The following BBOF1 variants were observed in gnomAD, a reference collection of about 807,000 sequenced individuals.
The protein encoded by BBOF1 is basal body orientation factor 1.
Under a neutral mutation model 68.0 loss-of-function variants are expected in BBOF1, and 62 were observed. The observed-to-expected ratio is 0.91, with a 90% CI of 0.74 to 1.13. The LOEUF (loss-of-function observed/expected upper bound fraction) is 1.13, where lower values mean the gene tolerates loss of function less well. Ranked by LOEUF, BBOF1 falls within the 50% of genes most tolerant of loss-of-function variation. The probability of loss-of-function intolerance (pLI) is 0.00; values close to 1 mark genes in which losing one functional copy is unlikely to be tolerated. For missense variants in BBOF1, 534 were observed against 600.1 expected (o/e 0.89, Z 1.15); for synonymous variants, 208 against 198.8 (o/e 1.05, Z -0.39).
rs1448496267 is a variant in BBOF1 at position 74,056,912 on chromosome 14, C to T, written c.1395C>T (p.Tyr465=). 1.9e-6 allele frequency: 3 copies of T among 1,612,114 alleles called. No homozygotes were observed. In the African/African-American group the frequency reaches 4.0e-5, roughly 22 times the overall value. ...AKMNGCPSRK[Y]NQSSRPPVPD... ...TGACTTTTACCCACTACAGGAAATA[C>T]AACCAGAGTTCTAGGCCTCCAGTTC... is the stretch of plus-strand genomic sequence containing the variant. Residue 465 remains tyrosine, a synonymous_variant, in exon 10 of 12, where the codon TAC becomes TAT. Coordinates refer to ENST00000394009, the MANE Select transcript of BBOF1 (RefSeq NM_025057.3).
chr14:74,064,571 A>G (rs560219065), intron 11 of BBOF1, 117 bp from the exon 12 acceptor site: 1 of 899,202 alleles, frequency 1.1e-6, no homozygotes, highest in Non-Finnish European at 1.9e-6. Context: ...CACTCAGGAA[A>G]TGGCATATAC....
rs1352570864 is a variant in BBOF1, at chr14:74,025,554, G to C, written c.285+2410G>C. 2.0e-5 allele frequency among the ~76,000 whole-genome samples: 3 copies of C among 152,180 alleles called. No individual in the cohort carries two copies. In the East Asian group the frequency reaches 5.8e-4, roughly 29 times the overall value. On this transcript the variant is annotated intron_variant, in intron 2 of 11. Coordinates refer to ENST00000394009, the MANE Select transcript of BBOF1 (RefSeq NM_025057.3). ...TATTTTATTATGAACAAAATTAGGAGATTCCCCTTAAGAGAATTTAATGCT... is the reference window on the plus strand; with the variant it reads ...TATTTTATTATGAACAAAATTAGGACATTCCCCTTAAGAGAATTTAATGCT...
In BBOF1 at chr14:74,057,155, A is replaced by G; in HGVS notation, c.1475A>G (p.Lys492Arg). The change falls in exon 11 of 12, where the codon AAG becomes AGG. Residue 492 changes from lysine (K) to arginine (R), a missense_variant. By Grantham distance (26) the Lys-to-Arg change is conservative. Coordinates refer to ENST00000394009, the MANE Select transcript of BBOF1 (RefSeq NM_025057.3). ...TGTCATTATTGCAGGGATGAAAGTA[A>G]GCTTCAAGATAAAATCTTCATCACC... The part of the protein sequence containing the change: ...GETKEFGDES[K>R]LQDKIFITQQ... The G allele has an allele frequency of 6.2e-7, 1 of 1,611,722 alleles. No individual in the cohort carries two copies. Among genetic ancestry groups the G allele is most frequent in the Non-Finnish European group, 8.5e-7 (1 of 1,178,226 alleles).
intron 1 of BBOF1, among the ~76,000 whole-genome samples, chr14:74,021,324 G>T (rs1191964865): frequency 6.6e-6 from 1 of 152,012 alleles, no homozygotes; most frequent in African/African-American, 2.4e-5. Flanking sequence ...GGGGCATCGT[G>T]GCTCATGCCC....
At chr14:74,060,521 A>G (rs577889699) in intron 11 of BBOF1, 3 of 800,960 alleles carry the variant, frequency 3.7e-6, no homozygotes, top group Admixed American at 1.9e-5. Flanking sequence ...GTCCTGAGGA[A>G]GATTTTAGTT....
intron 5 of BBOF1, among the ~76,000 whole-genome samples, chr14:74,042,967 A>C (rs2059861352): frequency 6.6e-6 from 1 of 151,988 alleles, no homozygotes; most frequent in African/African-American, 2.4e-5. Flanking sequence ...AGGGAGGAAA[A>C]AGAAGGATGG....
At chr14:74,066,635 T>A, downstream of BBOF1, 1 of 1,404,170 alleles carries the variant, frequency 7.1e-7, no homozygotes, top group Non-Finnish European at 1.0e-6. Context: ...ATTAATAAAT[T>A]AGAGGGATGA....
intron 9 of BBOF1, among the ~76,000 whole-genome samples, chr14:74,075,858 A>C (rs1049595448): frequency 6.6e-6 from 1 of 152,234 alleles, no homozygotes; most frequent in African/African-American, 2.4e-5. Flanking sequence ...TGAATAAGGA[A>C]ACTAATGTGG....
intron 4 of BBOF1, among the ~76,000 whole-genome samples, chr14:74,035,589 T>A (rs2059680307): frequency 7.3e-6 from 1 of 136,204 alleles, no homozygotes; most frequent in Non-Finnish European, 1.6e-5. Context: ...AGCTAATTTT[T>A]TTTTTTTTTT....
chr14:74,053,126 A>AT (rs908283556), intron 8 of BBOF1, among the ~76,000 whole-genome samples: 3 of 151,856 alleles, frequency 2.0e-5, no homozygotes, highest in African/African-American at 7.2e-5. Flanking sequence ...TAATTAATTT[A>AT]TTTTTTTGAG....
intron 4 of BBOF1, among the ~76,000 whole-genome samples, chr14:74,038,125 C>T (rs1470153961): frequency 6.6e-6 from 1 of 152,096 alleles, no homozygotes; most frequent in Non-Finnish European, 1.5e-5. Context: ...AGATTGCACT[C>T]ACTTGAGGTG....
At chr14:74,076,472 C>T (rs543405269) in intron 9 of BBOF1, among the ~76,000 whole-genome samples, 1 of 152,264 alleles carries the variant, frequency 6.6e-6, no homozygotes, top group African/African-American at 2.4e-5. Context: ...AGCGATTCTC[C>T]TGCCTCAGCC....
chr14:74,070,808 A>G, downstream of BBOF1: 1 of 220,828 alleles, frequency 4.5e-6, no homozygotes. Flanking sequence ...TGCCTGAAAC[A>G]CAGAAGCACT....
rs181276488 is a variant in BBOF1 at position 74,048,022 on chromosome 14, A to C, written c.740A>C (p.Gln247Pro). Reference sequence around the variant, plus strand: ...CACCTGAAGGAAACTGACGCTCTACAAAAAAACTCCCAGAAGTTGCAAGAG... The same window carrying C: ...CACCTGAAGGAAACTGACGCTCTACCAAAAAACTCCCAGAAGTTGCAAGAG... ...AYHLKETDAL[Q>P]KNSQKLQESH... is the part of the protein sequence containing the mutation. Residue 247 changes from glutamine (Q) to proline (P), a missense_variant, in exon 7 of 12, where the codon CAA (glutamine) becomes CCA (proline). Physicochemically the swap from Gln to Pro is moderately conservative, Grantham distance 76 (BLOSUM62 -1). Coordinates refer to ENST00000394009, the MANE Select transcript of BBOF1 (RefSeq NM_025057.3). 6.8e-6 allele frequency: 11 copies of C among 1,612,882 alleles called. No individual in the cohort carries two copies. In the East Asian group the frequency reaches 2.5e-4, roughly 36 times the overall value.
Position 74,065,148 on chromosome 14 carries a change from T to A in BBOF1, c.*449T>A, listed in dbSNP as rs1214978785. The stretch of plus-strand genomic sequence containing the variant: ...TTCCTCTTAGGAAATAGTAAATGGA[T>A]ATAAGAATCTCTTAAAAATTCTGTT... On this transcript the variant is annotated 3_prime_UTR_variant, in exon 12 of 12. Transcript: ENST00000394009. 6.2e-7 allele frequency: 1 copy of A among 1,610,088 alleles called. No homozygotes were observed. The highest frequency in any genetic ancestry group is 8.5e-7 in the Non-Finnish European group (1 of 1,176,572).
chr14:74,020,501 A>C (rs1271845310), intron 1 of BBOF1, among the ~76,000 whole-genome samples: 1 of 147,774 alleles, frequency 6.8e-6, no homozygotes, highest in Non-Finnish European at 1.5e-5. Context: ...TCTTGCATCA[A>C]GTACTTTTTT....
intron 1 of BBOF1, 134 bp downstream of exon 1, chr14:74,019,668 C>T: frequency 7.0e-7 from 1 of 1,420,874 alleles, no homozygotes; most frequent in Non-Finnish European, 9.5e-7. Flanking sequence ...GTGAGGATTA[C>T]AGCTCCCATG....
chr14:74,029,520 A>G (rs1226314516), intron 3 of BBOF1, among the ~76,000 whole-genome samples: 9 of 152,062 alleles, frequency 5.9e-5, no homozygotes, highest in Non-Finnish European at 1.2e-4. Context: ...TGTCACTACT[A>G]AAAATTTAAA....
At chr14:74,029,128 G>C (rs933772273) in intron 2 of BBOF1, 56 bp from the exon 3 acceptor site, 1 of 1,059,212 alleles carries the variant, frequency 9.4e-7, no homozygotes, top group Non-Finnish European at 1.4e-6. Context: ...ACTTAATAAA[G>C]GTAGACATAG....
Sources: allele counts gnomAD v4.1 joint callset (sites outside exome capture counted in the v4.1 genomes callset), GRCh38; gene constraint gnomAD v4.1.1; transcripts MANE v1.5; gene names NCBI Gene and HGNC (gene_info 2026-07-23, HGNC 2026-07-21).